Variants in HS6ST2 observed in about 807,000 individuals in gnomAD.
The protein encoded by HS6ST2 is heparan-sulfate 6-O-sulfotransferase 2.
A neutral mutation model predicts 33.0 loss-of-function variants in HS6ST2; 17 were observed. That is an observed-to-expected ratio of 0.52 (90% CI 0.35 to 0.77). HS6ST2 has a LOEUF of 0.77. Among genes scored for constraint, HS6ST2 ranks in the 30% least tolerant of loss-of-function variants. The probability of loss-of-function intolerance (pLI) is 0.01; values close to 1 mark genes in which losing one functional copy is unlikely to be tolerated. For missense variants in HS6ST2, 519 were observed against 551.7 expected, an observed-to-expected ratio of 0.94 and a Z score of 0.59; for synonymous variants, 248 against 237.1, an observed-to-expected ratio of 1.05 and a Z score of -0.42.
Position 132,792,855 on chromosome X carries a change from A to G in HS6ST2, c.948-84361T>C, listed in dbSNP as rs192923749. ...CCTGTTTATGAATAAATAGCGTGCC[A>G]TTATATGGATATACCACATGTTGTT... On this transcript the variant is annotated intron_variant, in intron 2 of 4. Transcript: ENST00000370833. Among the ~76,000 whole-genome samples, 4 of 104,466 alleles carry G rather than the reference A, an allele frequency of 3.8e-5. No individual in the cohort carries two copies. In the Admixed American group the frequency reaches 4.2e-4, roughly 11 times the overall value. The allele number at this position is 104,466 out of a possible 115,157, so 90.7% of individuals were successfully genotyped here. A position where few individuals can be genotyped will look rare whatever the true frequency, so the allele number is the denominator to read the frequency against.
At chrX:132,853,376 C>T (rs1358568344) in intron 2 of HS6ST2, among the ~76,000 whole-genome samples, 2 of 102,555 alleles carry the variant, frequency 2.0e-5, no homozygotes, top group Non-Finnish European at 3.9e-5. Flanking sequence ...CCAGGCTTGT[C>T]TTGAATTCCT....
At chrX:132,809,214 C>T (rs1315635016) in intron 2 of HS6ST2, among the ~76,000 whole-genome samples, 1 of 111,572 alleles carries the variant, frequency 9.0e-6, no homozygotes, top group Non-Finnish European at 1.9e-5. Flanking sequence ...ATCTCAGACT[C>T]CTGACCTCAG....
At chrX:132,868,300 T>G (rs2066014858) in intron 2 of HS6ST2, among the ~76,000 whole-genome samples, 1 of 111,984 alleles carries the variant, frequency 8.9e-6, no homozygotes, top group South Asian at 3.8e-4. Context: ...CTTAGAGACC[T>G]ATGAAGAAAC....
At chrX:132,911,573 C>T (rs1396920836) in intron 2 of HS6ST2, among the ~76,000 whole-genome samples, 2 of 111,185 alleles carry the variant, frequency 1.8e-5, no homozygotes, top group Non-Finnish European at 3.8e-5. Flanking sequence ...TAATTCTTTC[C>T]CATGATCCCT....
chrX:132,712,499 G>A (rs1232050167), intron 2 of HS6ST2, among the ~76,000 whole-genome samples: 1 of 112,129 alleles, frequency 8.9e-6, no homozygotes, highest in Non-Finnish European at 1.9e-5. Flanking sequence ...AAAGGGCCTG[G>A]GTGTTTCTTA....
At chrX:132,762,882 C>A in intron 2 of HS6ST2, among the ~76,000 whole-genome samples, 1 of 111,551 alleles carries the variant, frequency 9.0e-6, no homozygotes, top group East Asian at 2.8e-4. Flanking sequence ...AATTTTTCTA[C>A]TTTTCAATTG....
At chrX:132,763,466 G>A (rs1042422208) in intron 2 of HS6ST2, among the ~76,000 whole-genome samples, 8 of 112,092 alleles carry the variant, frequency 7.1e-5, no homozygotes, top group East Asian at 5.6e-4. Context: ...CTAGCACACC[G>A]TGGTACGGAG....
chrX:132,843,449 C>T (rs1309973898), intron 2 of HS6ST2, among the ~76,000 whole-genome samples: 2 of 111,399 alleles, frequency 1.8e-5, no homozygotes, highest in Non-Finnish European at 3.8e-5. Context: ...GGGAAACTTA[C>T]TCATCTACAT....
chrX:132,767,325 C>A (rs2064858573), intron 2 of HS6ST2, among the ~76,000 whole-genome samples: 1 of 111,862 alleles, frequency 8.9e-6, no homozygotes, highest in Admixed American at 9.5e-5. Flanking sequence ...CTCAAGCAAT[C>A]CTCCCACCTC....
At chrX:132,634,042 C>T (rs773666669) in intron 4 of HS6ST2, among the ~76,000 whole-genome samples, 1 of 111,972 alleles carries the variant, frequency 8.9e-6, no homozygotes, top group Non-Finnish European at 1.9e-5. Context: ...CACGCTGGAA[C>T]GCAATCTATA....
intron 2 of HS6ST2, among the ~76,000 whole-genome samples, chrX:132,948,061 C>T (rs779136261): frequency 8.9e-6 from 1 of 111,959 alleles, no homozygotes; most frequent in Middle Eastern, 4.6e-3. Flanking sequence ...GCTCTGTATT[C>T]GCACAGAACA....
intron 2 of HS6ST2, among the ~76,000 whole-genome samples, chrX:132,804,506 T>C (rs755102505): frequency 8.9e-6 from 1 of 111,821 alleles, no homozygotes; most frequent in African/African-American, 3.2e-5. Flanking sequence ...CACCCATTCA[T>C]AAGAAAAAGG....
chrX:132,905,655 G>T (rs2066466038), intron 2 of HS6ST2, among the ~76,000 whole-genome samples: 1 of 112,081 alleles, frequency 8.9e-6, no homozygotes, highest in African/African-American at 3.2e-5. Context: ...TGCCCATTTT[G>T]TTGTTTAAGA....
At chrX:132,940,867 C>T (rs1659959831) in intron 2 of HS6ST2, among the ~76,000 whole-genome samples, 1 of 111,690 alleles carries the variant, frequency 9.0e-6, no homozygotes, top group Non-Finnish European at 1.9e-5. Context: ...CCTAGCAAAT[C>T]AGAAGAGCTG....
chrX:132,922,537 G>C (rs1268068603), intron 2 of HS6ST2, among the ~76,000 whole-genome samples: 2 of 111,824 alleles, frequency 1.8e-5, no homozygotes, highest in Non-Finnish European at 3.8e-5. Flanking sequence ...TCAATGAAAA[G>C]AGTTAAACTC....
At position 132,653,986 on chromosome X, in the gene HS6ST2, G is replaced by A. The variant is rs540737434; in HGVS notation, c.1067+15127C>T. Among the ~76,000 whole-genome samples the A allele has an allele frequency of 2.2e-4, 25 of 111,508 alleles. No homozygotes were observed. The South Asian group carries it at 7.6e-3, about 34-fold the overall frequency. ...TAGCTACCAGGGGCTGGGCAAGGGGGTGGTGATGGTTAAAGGGTACAAACT... is the reference window on the plus strand; with the variant it reads ...TAGCTACCAGGGGCTGGGCAAGGGGATGGTGATGGTTAAAGGGTACAAACT... On this transcript the variant is annotated intron_variant, in intron 4 of 4. Coordinates refer to ENST00000370833, the MANE Select transcript of HS6ST2 (RefSeq NM_001394073.1).
chrX:132,917,336 C>T (rs1018096551), intron 2 of HS6ST2, among the ~76,000 whole-genome samples: 5 of 111,933 alleles, frequency 4.5e-5, no homozygotes, highest in African/African-American at 1.6e-4. Flanking sequence ...TGGTGGCTTA[C>T]ACCTGTATTC....
intron 2 of HS6ST2, among the ~76,000 whole-genome samples, chrX:132,888,711 T>C (rs1476347840): frequency 1.8e-5 from 2 of 111,563 alleles, no homozygotes; most frequent in Non-Finnish European, 3.8e-5. Flanking sequence ...ACCATGTTGC[T>C]TGGGCTGGTC....
intron 2 of HS6ST2, among the ~76,000 whole-genome samples, chrX:132,927,026 C>T (rs1027888715): frequency 9.9e-5 from 11 of 111,435 alleles, no homozygotes; most frequent in Non-Finnish European, 1.5e-4. Flanking sequence ...CTCAACATGG[C>T]GACTCCACAG....
Sources: gnomAD v4.1 joint callset for allele counts (sites outside exome capture counted in the v4.1 genomes callset) on GRCh38, gnomAD v4.1.1 for gene constraint, MANE v1.5 for transcripts, NCBI Gene and HGNC (gene_info 2026-07-23, HGNC 2026-07-21) for gene names.